Variants in VSTM2L observed in about 807,000 individuals in gnomAD.
VSTM2L encodes V-set and transmembrane domain containing 2 like.
VSTM2L carries 9 observed loss-of-function variants against 19.9 expected under a neutral mutation model. That is an observed-to-expected ratio of 0.45 (90% CI 0.27 to 0.79). VSTM2L has a LOEUF of 0.79. Ranked by LOEUF, VSTM2L falls within the 30% of genes least tolerant of loss-of-function variation. The pLI, the probability that VSTM2L is intolerant of heterozygous loss-of-function variation, is 0.15. For missense variants in VSTM2L, 286 were observed against 295.5 expected, an observed-to-expected ratio of 0.97 and a Z score of 0.24; for synonymous variants, 127 against 133.8, an observed-to-expected ratio of 0.95 and a Z score of 0.35.
chr20:37,907,131 A>T (rs1192639486), intron 1 of VSTM2L, among the ~76,000 whole-genome samples: 2 of 152,196 alleles, frequency 1.3e-5, no homozygotes, highest in African/African-American at 4.8e-5. Flanking sequence ...TCTTGAGACA[A>T]GATCTTGCTC....
chr20:37,918,269 G>A (rs959754285), intron 1 of VSTM2L, among the ~76,000 whole-genome samples: 1 of 152,180 alleles, frequency 6.6e-6, no homozygotes, highest in African/African-American at 2.4e-5. Flanking sequence ...TGTGAGATTG[G>A]GCCATGGCCA....
chr20:37,944,876 C>A lies in VSTM2L; in HGVS notation c.*623C>A, dbSNP rs528097548. On this transcript the variant is annotated 3_prime_UTR_variant, in exon 4 of 4. Transcript: ENST00000373461. ...CCTGTTCAGCTCCCTGTGCGACCCT[C>A]CAGGGATGCAGGGGATCCAGGATTC... The A allele has an allele frequency of 5.4e-5, 53 of 985,994 alleles. No individual in the cohort carries two copies. In the South Asian group the frequency reaches 2.2e-3, roughly 40 times the overall value. The allele number at this position is 985,994 out of a possible 1,614,324, so 61.1% of individuals were successfully genotyped here. A position where few individuals can be genotyped will look rare whatever the true frequency, so the allele number is the denominator to read the frequency against.
intron 3 of VSTM2L, among the ~76,000 whole-genome samples, chr20:37,933,816 C>G (rs1331828567): frequency 6.6e-6 from 1 of 152,164 alleles, no homozygotes; most frequent in Non-Finnish European, 1.5e-5. Context: ...TGCATTTTCT[C>G]CTGTCAGGGC....
intron 1 of VSTM2L, among the ~76,000 whole-genome samples, chr20:37,922,328 G>A (rs534522050): frequency 3.3e-5 from 5 of 152,258 alleles, no homozygotes; most frequent in Non-Finnish European, 2.9e-5. Flanking sequence ...TATTTGCGGC[G>A]TGTGTCAGAA....
At chr20:37,905,221 A>T (rs565309697) in intron 1 of VSTM2L, among the ~76,000 whole-genome samples, 3 of 152,210 alleles carry the variant, frequency 2.0e-5, no homozygotes, top group Admixed American at 2.0e-4. Flanking sequence ...GCACAGTTGG[A>T]ACTTACACTA....
intron 2 of VSTM2L, among the ~76,000 whole-genome samples, chr20:37,932,312 G>A (rs1409889759): frequency 6.6e-6 from 1 of 152,178 alleles, no homozygotes; most frequent in Admixed American, 6.5e-5. Context: ...ATGCTCGTAT[G>A]TACACACCTG....
chr20:37,929,901 G>A (rs1219875064), intron 1 of VSTM2L, among the ~76,000 whole-genome samples: 1 of 152,174 alleles, frequency 6.6e-6, no homozygotes, highest in African/African-American at 2.4e-5. Flanking sequence ...CTTCCTTCCA[G>A]GTGCCTGCAT....
chr20:37,918,741 T>G (rs923232922), intron 1 of VSTM2L, among the ~76,000 whole-genome samples: 2 of 152,192 alleles, frequency 1.3e-5, no homozygotes, highest in Admixed American at 6.5e-5. Context: ...TGCCCTTTTC[T>G]GTTCTGAGTC....
At chr20:37,914,811 G>GT (rs1054877507) in intron 1 of VSTM2L, among the ~76,000 whole-genome samples, 3 of 152,258 alleles carry the variant, frequency 2.0e-5, no homozygotes, top group Non-Finnish European at 2.9e-5. Context: ...CAAAGCAAGG[G>GT]TGCAGAGCCC....
intron 3 of VSTM2L, among the ~76,000 whole-genome samples, chr20:37,935,484 C>T (rs1219762495): frequency 6.6e-6 from 1 of 152,200 alleles, no homozygotes; most frequent in Non-Finnish European, 1.5e-5. Flanking sequence ...CCCCCTTCCC[C>T]TCCCGACCCT....
At chr20:37,911,691 G>C (rs1218160577) in intron 1 of VSTM2L, among the ~76,000 whole-genome samples, 2 of 152,146 alleles carry the variant, frequency 1.3e-5, no homozygotes, top group Non-Finnish European at 2.9e-5. Flanking sequence ...GGGTAATGCT[G>C]TTTTTTGTCT....
intron 1 of VSTM2L, among the ~76,000 whole-genome samples, chr20:37,930,176 G>C (rs1250270708): frequency 6.6e-6 from 1 of 152,204 alleles, no homozygotes; most frequent in East Asian, 1.9e-4. Context: ...GTTCAAGTAG[G>C]GCTGCACATG....
chr20:37,938,938 C>T (rs1210234051), intron 3 of VSTM2L, among the ~76,000 whole-genome samples: 1 of 152,080 alleles, frequency 6.6e-6, no homozygotes, highest in Non-Finnish European at 1.5e-5. Context: ...GATTGGGGGC[C>T]TCGGAAAGAC....
intron 1 of VSTM2L, among the ~76,000 whole-genome samples, chr20:37,929,749 G>A (rs758922342): frequency 3.9e-5 from 6 of 152,116 alleles, no homozygotes; most frequent in Non-Finnish European, 5.9e-5. Flanking sequence ...GATTCTGGAG[G>A]TGTCGGGAGG....
intron 1 of VSTM2L, among the ~76,000 whole-genome samples, chr20:37,926,034 C>T (rs1363941775): frequency 6.6e-6 from 1 of 152,200 alleles, no homozygotes; most frequent in East Asian, 1.9e-4. Flanking sequence ...CAGGACTCTG[C>T]AAGGTTGGCC....
At chr20:37,938,950 T>C (rs755489302) in intron 3 of VSTM2L, among the ~76,000 whole-genome samples, 12 of 152,182 alleles carry the variant, frequency 7.9e-5, no homozygotes, top group East Asian at 3.9e-4. Flanking sequence ...CGGAAAGACA[T>C]GAGAAGACCG....
intron 1 of VSTM2L, among the ~76,000 whole-genome samples, chr20:37,914,882 T>G (rs2072808244): frequency 6.6e-6 from 1 of 152,142 alleles, no homozygotes; most frequent in South Asian, 2.1e-4. Flanking sequence ...GGTGGGGTCT[T>G]GACTGACCCC....
At position 37,943,900 on chromosome 20, in the gene VSTM2L, A is replaced by T. The variant is rs2072988738; in HGVS notation, c.343-81A>T. 9.1e-6 allele frequency: 11 copies of T among 1,208,936 alleles called. 1 individual carries two copies. The South Asian group carries it at 1.9e-4, about 21-fold the overall frequency. The allele number at this position is 1,208,936 out of a possible 1,614,324, so 74.9% of individuals were successfully genotyped here. A position where few individuals can be genotyped will look rare whatever the true frequency, so the allele number is the denominator to read the frequency against. On this transcript the variant is annotated intron_variant, in intron 3 of 3. Coordinates refer to ENST00000373461, the MANE Select transcript of VSTM2L (RefSeq NM_080607.3). Reference sequence around the variant, plus strand: ...TCTGGGGCTCCCGTCCTAGCATGCGATCTTGGGACCCCCCCCCCCGACTCT... The same window carrying T: ...TCTGGGGCTCCCGTCCTAGCATGCGTTCTTGGGACCCCCCCCCCCGACTCT...
At chr20:37,909,278 C>T (rs1386007259) in intron 1 of VSTM2L, among the ~76,000 whole-genome samples, 1 of 152,222 alleles carries the variant, frequency 6.6e-6, no homozygotes, top group African/African-American at 2.4e-5. Context: ...TGAACAGCGG[C>T]ACAGGTGCCC....
Sources: allele counts gnomAD v4.1 joint callset (sites outside exome capture counted in the v4.1 genomes callset), GRCh38; gene constraint gnomAD v4.1.1; transcripts MANE v1.5; gene names NCBI Gene and HGNC (gene_info 2026-07-23, HGNC 2026-07-21).